The following RANBP10 variants were observed in gnomAD, a reference collection of about 807,000 sequenced individuals.
RANBP10 encodes the protein ran-binding protein 10.
Under a neutral mutation model 72.8 loss-of-function variants are expected in RANBP10, and 24 were observed. The ratio of observed to expected loss-of-function variants is 0.33; its 90% CI spans 0.24 to 0.46. The LOEUF is 0.46. Ranked by LOEUF, RANBP10 falls within the 20% of genes least tolerant of loss-of-function variation. The pLI is 1.00. For synonymous variants in RANBP10, 310 were observed against 322.3 expected, an observed-to-expected ratio of 0.96 and a Z score of 0.41; for missense variants, 679 against 817.5, an observed-to-expected ratio of 0.83 and a Z score of 2.07.
At chr16:67,796,705 A>G (rs938495300) in intron 2 of RANBP10, among the ~76,000 whole-genome samples, 3 of 152,136 alleles carry the variant, frequency 2.0e-5, no homozygotes, top group African/African-American at 7.2e-5. Context: ...CTGAAACCCC[A>G]AGCATCTCTA....
intron 3 of RANBP10, among the ~76,000 whole-genome samples, chr16:67,763,856 G>A (rs933999114): frequency 6.6e-6 from 1 of 152,082 alleles, no homozygotes. Flanking sequence ...CACCACGCCC[G>A]GCTAATTTTT....
chr16:67,797,462 A>C (rs777454809), intron 2 of RANBP10, among the ~76,000 whole-genome samples: 8 of 152,164 alleles, frequency 5.3e-5, no homozygotes, highest in Admixed American at 2.0e-4. Context: ...TGAGCGTAGG[A>C]GTTCCAGACC....
chr16:67,731,407 A>G (rs773692575), intron 7 of RANBP10, 65 bp downstream of exon 7: 3 of 1,390,996 alleles, frequency 2.2e-6, no homozygotes, highest in Non-Finnish European at 3.1e-6. Flanking sequence ...CAGGGTTGAC[A>G]TGAGCCAGAG....
chr16:67,805,686 A>G lies in RANBP10; in HGVS notation c.236-147T>C, dbSNP rs1435364578. 74 of 662,130 alleles carry G rather than the reference A, an allele frequency of 1.1e-4. No homozygotes were observed. The East Asian group carries it at 1.9e-3, about 17-fold the overall frequency. 41.0% of individuals were successfully genotyped at this position (662,130 alleles called of 1,614,324 possible). On this transcript the variant is annotated intron_variant, in intron 1 of 13. Coordinates refer to ENST00000317506, the MANE Select transcript of RANBP10 (RefSeq NM_020850.3). ...GGCCGAGGAATCATTAGACAACTGA[A>G]TAAACACTTAAACCTTCCACCTTTG... is the stretch of plus-strand genomic sequence containing the variant.
chr16:67,799,021 G>A (rs887643872), intron 2 of RANBP10, among the ~76,000 whole-genome samples: 1 of 151,974 alleles, frequency 6.6e-6, no homozygotes, highest in African/African-American at 2.4e-5. Flanking sequence ...CACCTCCCAG[G>A]TTCGAGTGAT....
intron 4 of RANBP10, among the ~76,000 whole-genome samples, chr16:67,740,242 A>G (rs2053942521): frequency 6.6e-6 from 1 of 151,868 alleles, no homozygotes; most frequent in Admixed American, 6.6e-5. Context: ...AGCTGGGACT[A>G]CAAGTGCCCG....
intron 2 of RANBP10, among the ~76,000 whole-genome samples, chr16:67,802,754 C>CCTATA (rs1400534264): frequency 6.6e-6 from 1 of 152,196 alleles, no homozygotes; most frequent in East Asian, 1.9e-4. Flanking sequence ...CCAGTCAACA[C>CCTATA]CTATAGTTCA....
Position 67,794,209 on chromosome 16 carries a change from G to A in RANBP10, c.347+11219C>T, listed in dbSNP as rs569159091. On this transcript the variant is annotated intron_variant, in intron 2 of 13. Transcript: ENST00000317506. ...TCCCAGCACTTTGAGGGGCCGAGGC[G>A]GGCAGATCACCTGAGATCAGCAGTT... 2.8e-3 allele frequency among the ~76,000 whole-genome samples: 431 copies of A among 152,128 alleles called. 3 individuals carry two copies. The highest frequency in any genetic ancestry group is 9.4e-3 in the African/African-American group (390 of 41,512).
At chr16:67,767,447 CCT>C (rs1450873540) in intron 3 of RANBP10, among the ~76,000 whole-genome samples, 6 of 134,900 alleles carry the variant, frequency 4.4e-5, no homozygotes, top group East Asian at 4.0e-4. Context: ...ACAGCGAGAC[CCT>C]GTTTCAAAAA....
In RANBP10 at chr16:67,799,447, C is replaced by T. The variant is rs575766989; in HGVS notation, c.347+5981G>A. Among the ~76,000 whole-genome samples, 9 of 152,134 alleles carry T rather than the reference C, an allele frequency of 5.9e-5. No homozygotes were observed. The East Asian group carries it at 1.4e-3, about 23-fold the overall frequency. ...GGACTACAGGCGCCCGCCACCATGCCTGGCTAATTTTTTGTATTTTTAGTA... is the reference window on the plus strand; with the variant it reads ...GGACTACAGGCGCCCGCCACCATGCTTGGCTAATTTTTTGTATTTTTAGTA... On this transcript the variant is annotated intron_variant, in intron 2 of 13. Coordinates refer to ENST00000317506, the MANE Select transcript of RANBP10 (RefSeq NM_020850.3).
At chr16:67,781,798 T>C (rs757964650) in intron 2 of RANBP10, among the ~76,000 whole-genome samples, 2 of 152,116 alleles carry the variant, frequency 1.3e-5, no homozygotes, top group Non-Finnish European at 2.9e-5. Flanking sequence ...GGGCAGCAAA[T>C]AGGCACTGCT....
intron 3 of RANBP10, among the ~76,000 whole-genome samples, chr16:67,767,881 C>A (rs1248740699): frequency 6.6e-6 from 1 of 152,022 alleles, no homozygotes; most frequent in Non-Finnish European, 1.5e-5. Flanking sequence ...CAGGCATGAG[C>A]CACCGCGCCC....
intron 2 of RANBP10, among the ~76,000 whole-genome samples, chr16:67,799,504 G>T (rs1380043723): frequency 6.6e-6 from 1 of 152,006 alleles, no homozygotes; most frequent in Non-Finnish European, 1.5e-5. Flanking sequence ...AGCCACGATG[G>T]TCTCGATCTC....
chr16:67,776,795 G>GAAAAAAAAAA (rs964103923), intron 2 of RANBP10, among the ~76,000 whole-genome samples: 1 of 129,306 alleles, frequency 7.7e-6, no homozygotes. Flanking sequence ...AAAAGAAAAA[G>GAAAAAAAAAA]AAAAAAAAAA....
intron 4 of RANBP10, among the ~76,000 whole-genome samples, chr16:67,742,073 CTTTTTT>C (rs758902349): frequency 7.1e-6 from 1 of 141,170 alleles, no homozygotes; most frequent in Non-Finnish European, 1.6e-5. Context: ...CTAAGTGATT[CTTTTTT>C]TTTTTTTTTA....
rs1250880331 is a variant in RANBP10 at position 67,806,546 on chromosome 16, A to C, written c.-10T>G. 1 of 1,488,408 alleles carries C rather than the reference A, an allele frequency of 6.7e-7. No homozygotes were observed. The highest frequency in any genetic ancestry group is 8.9e-7 in the Non-Finnish European group (1 of 1,127,644). 92.2% of individuals were successfully genotyped at this position (1,488,408 alleles called of 1,614,324 possible). A position where few individuals can be genotyped will look rare whatever the true frequency, so the allele number is the denominator to read the frequency against. ...CCGTCGCTGCCGCCATCTTGGAGGG[A>C]GCTACTATTGTGTCACTGGGGGCGG... On this transcript the variant is annotated 5_prime_UTR_variant, in exon 1 of 14. Coordinates refer to ENST00000317506, the MANE Select transcript of RANBP10 (RefSeq NM_020850.3).
At chr16:67,794,165 T>A (rs1567714598) in intron 2 of RANBP10, among the ~76,000 whole-genome samples, 1 of 151,940 alleles carries the variant, frequency 6.6e-6, no homozygotes, top group Non-Finnish European at 1.5e-5. Context: ...CTGGTCGGGG[T>A]GGTGGCTCAA....
chr16:67,726,298 G>T lies in RANBP10; in HGVS notation c.*130C>A. ...AAGGAAGGAAGGAAAGGGAGAGGGGGAAAGGCCAGGCAGGAGGAGTGGACT... is the reference window on the plus strand; with the variant it reads ...AAGGAAGGAAGGAAAGGGAGAGGGGTAAAGGCCAGGCAGGAGGAGTGGACT... On this transcript the variant is annotated 3_prime_UTR_variant, in exon 14 of 14. Transcript: ENST00000317506. 7.2e-7 allele frequency: 1 copy of T among 1,379,606 alleles called. No individual in the cohort carries two copies. The highest frequency in any genetic ancestry group is 1.4e-5 in the African/African-American group (1 of 70,060). The allele number at this position is 1,379,606 out of a possible 1,614,324, so 85.5% of individuals were successfully genotyped here.
At chr16:67,747,634 G>C (rs930544165) in intron 3 of RANBP10, among the ~76,000 whole-genome samples, 2 of 152,042 alleles carry the variant, frequency 1.3e-5, no homozygotes, top group African/African-American at 4.8e-5. Context: ...CTTCCGAGTA[G>C]CTGGGATTAC....
Sources: allele counts gnomAD v4.1 joint callset (sites outside exome capture counted in the v4.1 genomes callset), GRCh38; gene constraint gnomAD v4.1.1; transcripts MANE v1.5; gene names NCBI Gene and HGNC (gene_info 2026-07-23, HGNC 2026-07-21).